ATG9B: variants seen among roughly 807,000 people sequenced by gnomAD.
ATG9B encodes the protein autophagy-related protein 9B.
ATG9B carries 92 observed loss-of-function variants against 92.9 expected under a neutral mutation model. The ratio of observed to expected loss-of-function variants is 0.99; its 90% CI spans 0.84 to 1.18. ATG9B has a LOEUF of 1.18. ATG9B is among the 50% of genes most tolerant of loss of function. The pLI is 0.00. For synonymous variants in ATG9B, 599 were observed against 551.4 expected (o/e 1.09, Z -1.21); for missense variants, 1,344 against 1,235.0 (o/e 1.09, Z -1.32).
chr7:151,013,730 G>C, downstream of ATG9B: 1 of 1,604,254 alleles, frequency 6.2e-7, no homozygotes, highest in South Asian at 1.1e-5. Context: ...GCAGACCTAC[G>C]TGCAGGACAT....
chr7:151,017,817 G>T (rs1487304751), intron 8 of ATG9B, 54 bp downstream of exon 8: 25 of 1,501,066 alleles, frequency 1.7e-5, no homozygotes, highest in Non-Finnish European at 2.1e-5. Flanking sequence ...GCTCCCGAGA[G>T]GCAAGCGAAC....
intron 11 of ATG9B, 73 bp downstream of exon 11, chr7:151,016,358 C>T (rs1258636050): frequency 2.0e-6 from 3 of 1,519,224 alleles, no homozygotes; most frequent in Non-Finnish European, 1.8e-6. Flanking sequence ...CCGTAGACTC[C>T]ACCCCACCTC....
Position 151,017,213 on chromosome 7 carries a change from A to T in ATG9B, c.2112T>A (p.Thr704=), listed in dbSNP as rs1308982610. The T allele has an allele frequency of 6.2e-6, 10 of 1,612,240 alleles. No individual in the cohort carries two copies. Among genetic ancestry groups the T allele is most frequent in the African/African-American group, 1.3e-5 (1 of 74,878 alleles). The change falls in exon 9 of 14, where the codon ACT becomes ACA. Residue 704 remains threonine (T), a synonymous_variant. Coordinates refer to ENST00000639579, the MANE Select transcript of ATG9B (RefSeq NM_001317056.2). ...GGGAGAACCGCATCAAAGAAAGCTCAGTCTTGCCGTCCTCCGCACGCTGAG... is the reference window on the plus strand; with the variant it reads ...GGGAGAACCGCATCAAAGAAAGCTCTGTCTTGCCGTCCTCCGCACGCTGAG... ...SLSQRAEDGK[T]ELSLMRFSLA... is the part of the protein sequence containing the mutation.
chr7:151,012,433 G>A, downstream of ATG9B: 1 of 1,611,522 alleles, frequency 6.2e-7, no homozygotes, highest in Non-Finnish European at 8.5e-7. Context: ...CCCCTTCCGG[G>A]GATTCTGGCA....
At position 151,019,026 on chromosome 7, in the gene ATG9B, TGCGCCCCCAGCGCGCTGCTAGG is replaced by T; in HGVS notation, c.1290_1311del (p.Leu431GlnfsTer8). 4 of 1,551,854 alleles carry T rather than the reference TGCGCCCCCAGCGCGCTGCTAGG, an allele frequency of 2.6e-6. No homozygotes were observed. The highest frequency in any genetic ancestry group is 1.4e-5 in the African/African-American group (1 of 73,404). On this transcript the variant is annotated frameshift_variant, in exon 6 of 14. Transcript: ENST00000639579. LOFTEE classifies it high-confidence loss of function. ...TTCAGGGCGGCCAGCAGCAGCACTG[TGCGCCCCCAGCGCGCTGCTAGG>T]GCGCCCCGCTGGTCGCTGCGCTTGT...
chr7:151,024,384 G>A lies in ATG9B; in HGVS notation c.40C>T (p.Leu14=). 7.3e-7 allele frequency: 1 copy of A among 1,375,044 alleles called. No homozygotes were observed. Among genetic ancestry groups the A allele is most frequent in the Non-Finnish European group, 9.4e-7 (1 of 1,059,394 alleles). 85.2% of individuals were successfully genotyped at this position (1,375,044 alleles called of 1,614,324 possible). ...GGCCCCAGATCTCCCCACCGCCCCA[G>A]CCGCCTTCTTCTCCCCCCCCAGCCC... is the stretch of plus-strand genomic sequence containing the variant. The part of the protein sequence containing the change: ...RMGWGGRRRR[L]GRWGDLGPGS... Residue 14 remains leucine (L), a synonymous_variant, in exon 1 of 14, where the codon CTG becomes TTG. Transcript: ENST00000639579.
chr7:151,024,356 C>A lies in ATG9B; in HGVS notation c.68G>T (p.Gly23Val). 7.2e-7 allele frequency: 1 copy of A among 1,396,460 alleles called. No homozygotes were observed. Among genetic ancestry groups the A allele is most frequent in the Non-Finnish European group, 9.3e-7 (1 of 1,070,770 alleles). The allele number at this position is 1,396,460 out of a possible 1,614,324, so 86.5% of individuals were successfully genotyped here. A position where few individuals can be genotyped will look rare whatever the true frequency, so the allele number is the denominator to read the frequency against. The change falls in exon 1 of 14, where the codon GGA (glycine) becomes GTA (valine). Residue 23 changes from glycine to valine, a missense_variant. Gly to Val is a moderately radical substitution (Grantham distance 109). Coordinates refer to ENST00000639579, the MANE Select transcript of ATG9B (RefSeq NM_001317056.2). ...TGGCATGGGGAGGAGGGGCACCGAT[C>A]CGGGCCCCAGATCTCCCCACCGCCC... ...RLGRWGDLGPGSVPLLPMPLP... is the reference protein window; with the variant it reads ...RLGRWGDLGPVSVPLLPMPLP...
At position 151,019,261 on chromosome 7, in the gene ATG9B, G is replaced by T. The variant is rs1345099511; in HGVS notation, c.1077C>A (p.His359Gln). 6.3e-7 allele frequency: 1 copy of T among 1,577,500 alleles called. No homozygotes were observed. The highest frequency in any genetic ancestry group is 8.6e-7 in the Non-Finnish European group (1 of 1,168,906). The change falls in exon 6 of 14, where the codon CAC becomes CAA. Residue 359 changes from histidine to glutamine, a missense_variant. Physicochemically the swap from His to Gln is conservative, Grantham distance 24 (BLOSUM62 0). Coordinates refer to ENST00000639579, the MANE Select transcript of ATG9B (RefSeq NM_001317056.2). ...GGTAGTTGGTGTAGCGCAGGATGCG[G>T]TGGTGGATGTCCAGCTCCGTCAGGG... is the stretch of plus-strand genomic sequence containing the variant. The part of the protein sequence containing the change: ...PRPLTELDIH[H>Q]RILRYTNYQV...
rs749524324 is a variant in ATG9B at position 151,018,466 on chromosome 7, G to T, written c.1719-19C>A. 31 of 1,518,934 alleles carry T rather than the reference G, an allele frequency of 2.0e-5. No homozygotes were observed. In the South Asian group the frequency reaches 3.0e-4, roughly 15 times the overall value. The allele number at this position is 1,518,934 out of a possible 1,614,324, so 94.1% of individuals were successfully genotyped here. A position where few individuals can be genotyped will look rare whatever the true frequency, so the allele number is the denominator to read the frequency against. On this transcript the variant is annotated intron_variant, in intron 6 of 13. Coordinates refer to ENST00000639579, the MANE Select transcript of ATG9B (RefSeq NM_001317056.2). The surrounding 1 kb of genome is among the most constrained non-coding windows in gnomAD (Gnocchi z 4.7). ...GAAAGACCTGAAAGGCGGGATCCGT[G>T]GGGGGAAGGGGCCTGCGATTAGGAG...
downstream of ATG9B, chr7:151,013,407 A>T: frequency 6.3e-7 from 1 of 1,596,916 alleles, no homozygotes. Flanking sequence ...CGCAATGGTA[A>T]CCTGAAGATA....
In ATG9B at chr7:151,023,447, C is replaced by T. The variant is rs539913593; in HGVS notation, c.657G>A (p.Leu219=). ...CGGGCCCGGGCTAAGCGTCTCACCC[C>T]AGCTGGAAGACATCCTCCAGCAAGA... ...ACILLEDVFQ[L]GQFIFIVTFT... is the part of the protein sequence containing the mutation. Residue 219 remains leucine (L), a splice_region_variant and synonymous_variant, in exon 3 of 14, where the codon CTG becomes CTA. Transcript: ENST00000639579. The T allele has an allele frequency of 1.7e-5, 28 of 1,612,946 alleles. 1 individual carries two copies. The South Asian group carries it at 2.5e-4, about 15-fold the overall frequency.
At chr7:151,013,086 C>A, downstream of ATG9B, 2 of 869,360 alleles carry the variant, frequency 2.3e-6, no homozygotes, top group Non-Finnish European at 3.6e-6. Context: ...GCATTCTACA[C>A]TCTCTTAGAG....
At position 151,018,401 on chromosome 7, in the gene ATG9B, G is replaced by T; in HGVS notation, c.1765C>A (p.Leu589Met). Residue 589 changes from leucine to methionine, a missense_variant, in exon 7 of 14, where the codon CTG becomes ATG. Physicochemically the swap from Leu to Met is conservative, Grantham distance 15. Transcript: ENST00000639579. This position sits in a 1 kb window ranked among gnomAD's most constrained non-coding sequence, Gnocchi z 4.7. ...ATGTGGGCCAGGGCTGTCTGCAGCA[G>T]GAGCTGCGGCGCACGACCCTGGCAC... is the stretch of plus-strand genomic sequence containing the variant. The part of the protein sequence containing the change: ...EQCQGRAPQL[L>M]LQTALAHMHY... 6.4e-7 allele frequency: 1 copy of T among 1,564,820 alleles called. No individual in the cohort carries two copies. Among genetic ancestry groups the T allele is most frequent in the Non-Finnish European group, 8.6e-7 (1 of 1,156,294 alleles).
At position 151,021,208 on chromosome 7, in the gene ATG9B, C is replaced by G; in HGVS notation, c.943G>C (p.Glu315Gln). The change falls in exon 5 of 14, where the codon GAG becomes CAG. Residue 315 changes from glutamate (E) to glutamine (Q), a missense_variant. By Grantham distance (29) the Glu-to-Gln change is conservative. Transcript: ENST00000639579. Reference sequence around the variant, plus strand: ...CTCACCGGGGGGATGTGCAGGGCCTCCCTGTAAAACACCTGGATGTCCCAG... The same window carrying G: ...CTCACCGGGGGGATGTGCAGGGCCTGCCTGTAAAACACCTGGATGTCCCAG... ...SYWDIQVFYR[E>Q]ALHIPPEELS... is the part of the protein sequence containing the mutation. The G allele has an allele frequency of 6.2e-7, 1 of 1,613,480 alleles. No homozygotes were observed. Among genetic ancestry groups the G allele is most frequent in the South Asian group, 1.1e-5 (1 of 91,076 alleles).
rs1217290518 is a variant in ATG9B at position 151,016,450 on chromosome 7, T to C, written c.2501A>G (p.His834Arg). The C allele has an allele frequency of 2.1e-5, 32 of 1,551,462 alleles. No individual in the cohort carries two copies. Among genetic ancestry groups the C allele is most frequent in the South Asian group, 3.6e-5 (3 of 84,060 alleles). The part of the protein sequence containing the change: ...PELASAEMSL[H>R]VIYLHQLHQQ... ...ACTCACCTGGTGCAGGTAGATGACA[T>C]GGAGACTCATCTCGGCAGAAGCAAG... Residue 834 changes from histidine to arginine, a missense_variant, in exon 11 of 14, where the codon CAT becomes CGT. Coordinates refer to ENST00000639579, the MANE Select transcript of ATG9B (RefSeq NM_001317056.2).
Position 151,023,180 on chromosome 7 carries a change from G to A in ATG9B, c.686C>T (p.Thr229Ile). ...ATCCACGCATCGAAGGAGGAAGGTTGTGAAGGTGACAATGAAAATAAATTG... is the reference window on the plus strand; with the variant it reads ...ATCCACGCATCGAAGGAGGAAGGTTATGAAGGTGACAATGAAAATAAATTG... ...LGQFIFIVTF[T>I]TFLLRCVDYN... Residue 229 changes from threonine to isoleucine, a missense_variant, in exon 4 of 14, where the codon ACA becomes ATA. Thr to Ile is a moderately conservative substitution (Grantham distance 89, BLOSUM62 -1). Coordinates refer to ENST00000639579, the MANE Select transcript of ATG9B (RefSeq NM_001317056.2). The A allele has an allele frequency of 6.2e-7, 1 of 1,614,244 alleles. No homozygotes were observed.
downstream of ATG9B, chr7:151,014,258 TGAG>T (rs1423289899): frequency 1.5e-6 from 2 of 1,312,760 alleles, no homozygotes; most frequent in African/African-American, 2.9e-5. Flanking sequence ...CCTCCCCTCT[TGAG>T]GTGGTGCCTT....
At chr7:151,021,855 T>C (rs995929769) in intron 4 of ATG9B, among the ~76,000 whole-genome samples, 2 of 149,586 alleles carry the variant, frequency 1.3e-5, no homozygotes, top group Non-Finnish European at 2.9e-5. Flanking sequence ...TTCACCATGT[T>C]GGCCAGAATG....
chr7:151,023,628 A>G, intron 2 of ATG9B, 59 bp downstream of exon 2: 1 of 1,610,582 alleles, frequency 6.2e-7, no homozygotes. Context: ...TGCCAAGAAC[A>G]GTGCCAGCTC....
Sources: gnomAD v4.1 joint callset for allele counts (sites outside exome capture counted in the v4.1 genomes callset) on GRCh38, gnomAD v4.1.1 for gene constraint, Gnocchi (gnomAD v3.1) non-coding constraint, MANE v1.5 for transcripts, NCBI Gene and HGNC (gene_info 2026-07-23, HGNC 2026-07-21) for gene names.